BPIFA2: variants seen among roughly 807,000 people sequenced by gnomAD.
BPIFA2 encodes the protein BPI fold-containing family A member 2.
BPIFA2 carries 20 observed loss-of-function variants against 25.7 expected under a neutral mutation model. That is an observed-to-expected ratio of 0.78 (90% CI 0.55 to 1.13). The LOEUF (loss-of-function observed/expected upper bound fraction) is 1.13, where lower values mean the gene tolerates loss of function less well. BPIFA2 is among the 50% of genes most tolerant of loss of function. The pLI is 0.00. For synonymous variants in BPIFA2, 126 were observed against 124.3 expected (o/e 1.01, Z -0.09); for missense variants, 300 against 298.1 (o/e 1.01, Z -0.05).
At chr20:33,166,948 C>T (rs73904617), upstream of BPIFA2, among the ~76,000 whole-genome samples, 3 of 152,156 alleles carry the variant, frequency 2.0e-5, no homozygotes, top group African/African-American at 4.8e-5. Context: ...TTGGAGAACC[C>T]GGTGTCAGGC....
At chr20:33,167,913 C>T (rs902907191), upstream of BPIFA2, among the ~76,000 whole-genome samples, 5 of 152,250 alleles carry the variant, frequency 3.3e-5, no homozygotes, top group Non-Finnish European at 5.9e-5. Flanking sequence ...ACCACCCCCT[C>T]GGTAGCTGCA....
upstream of BPIFA2, among the ~76,000 whole-genome samples, chr20:33,166,917 G>A (rs1053480130): frequency 2.0e-5 from 3 of 152,252 alleles, no homozygotes; most frequent in African/African-American, 4.8e-5. Context: ...CACAACTGGG[G>A]GAAGAGCGGG....
upstream of BPIFA2, among the ~76,000 whole-genome samples, chr20:33,164,224 G>A (rs942876670): frequency 1.3e-5 from 2 of 152,232 alleles, no homozygotes; most frequent in Non-Finnish European, 1.5e-5. Context: ...TAAATGGACA[G>A]ATGACTAGAT....
intron 4 of BPIFA2, 148 bp downstream of exon 4, chr20:33,174,334 C>G: frequency 1.5e-6 from 1 of 676,670 alleles, no homozygotes; most frequent in South Asian, 1.8e-5. Flanking sequence ...CCTTCTGGGT[C>G]TAAGATCTTA....
upstream of BPIFA2, among the ~76,000 whole-genome samples, chr20:33,165,625 G>C (rs1428884676): frequency 1.3e-5 from 2 of 152,338 alleles, no homozygotes; most frequent in South Asian, 2.1e-4. Context: ...GGAGGTTAAG[G>C]CTGGGCCAGT....
chr20:33,166,694 A>G (rs1368883709), upstream of BPIFA2, among the ~76,000 whole-genome samples: 1 of 152,032 alleles, frequency 6.6e-6, no homozygotes, highest in Non-Finnish European at 1.5e-5. Flanking sequence ...AAAGCCCCTC[A>G]CCATCGTTTT....
chr20:33,164,041 G>T (rs1026084163), upstream of BPIFA2, among the ~76,000 whole-genome samples: 1 of 152,186 alleles, frequency 6.6e-6, no homozygotes, highest in African/African-American at 2.4e-5. Flanking sequence ...GACATGGGCC[G>T]ATCGAATCAG....
At chr20:33,167,555 G>A (rs1415281097), upstream of BPIFA2, among the ~76,000 whole-genome samples, 2 of 152,170 alleles carry the variant, frequency 1.3e-5, no homozygotes, top group African/African-American at 4.8e-5. Context: ...CTGCCTTACA[G>A]AGTTTTCATA....
chr20:33,162,243 A>T (rs749852564), intron 1 of BPIFA2, among the ~76,000 whole-genome samples: 8 of 152,148 alleles, frequency 5.3e-5, no homozygotes, highest in Non-Finnish European at 8.8e-5. Context: ...GGCCTCCCAA[A>T]GTGCTGGAAT....
chr20:33,176,341 T>C (rs1984074978), intron 5 of BPIFA2, among the ~76,000 whole-genome samples: 1 of 152,190 alleles, frequency 6.6e-6, no homozygotes, highest in African/African-American at 2.4e-5. Flanking sequence ...TGCTGGCCGA[T>C]GGCTGGGAGA....
upstream of BPIFA2, among the ~76,000 whole-genome samples, chr20:33,165,675 G>A (rs1983702229): frequency 6.6e-6 from 1 of 152,228 alleles, no homozygotes; most frequent in South Asian, 2.1e-4. Flanking sequence ...TAGCAGTCAC[G>A]CAGCAGGTAG....
chr20:33,180,339 A>C (rs747136), intron 7 of BPIFA2, among the ~76,000 whole-genome samples, 181 bp from the exon 8 acceptor site: 28,017 of 152,128 alleles, frequency 0.18, 6,719 homozygotes, highest in African/African-American at 0.56. Flanking sequence ...CCCTGTGGGG[A>C]AGGTACTGTC....
intron 4 of BPIFA2, among the ~76,000 whole-genome samples, 166 bp from the exon 5 acceptor site, chr20:33,175,241 T>C (rs911778062): frequency 3.3e-5 from 5 of 152,202 alleles, no homozygotes; most frequent in Non-Finnish European, 7.3e-5. Flanking sequence ...GCCCCTAATA[T>C]AAACATGTAA....
chr20:33,174,669 GAGAAA>G (rs1984013587), intron 4 of BPIFA2, among the ~76,000 whole-genome samples: 1 of 152,158 alleles, frequency 6.6e-6, no homozygotes, highest in Admixed American at 6.5e-5. Context: ...CCAGCAATTT[GAGAAA>G]CTGAGGTGGG....
chr20:33,171,601 A>G (rs1175535251), intron 2 of BPIFA2, among the ~76,000 whole-genome samples: 1 of 152,258 alleles, frequency 6.6e-6, no homozygotes, highest in Non-Finnish European at 1.5e-5. Flanking sequence ...ACTTCTCAAA[A>G]GAAGACATTT....
chr20:33,164,148 G>A (rs73904615), upstream of BPIFA2, among the ~76,000 whole-genome samples: 1,933 of 152,316 alleles, frequency 0.013, 45 homozygotes, highest in African/African-American at 0.043. Flanking sequence ...CCACTAAAGG[G>A]TTGTCAAAAG....
At position 33,180,564 on chromosome 20, in the gene BPIFA2, G is replaced by A. The variant is rs772570163; in HGVS notation, c.*4G>A. 2.5e-6 allele frequency: 4 copies of A among 1,611,760 alleles called. No individual in the cohort carries two copies. Among genetic ancestry groups the A allele is most frequent in the Non-Finnish European group, 3.4e-6 (4 of 1,177,852 alleles). On this transcript the variant is annotated 3_prime_UTR_variant, in exon 8 of 9. Coordinates refer to ENST00000354932, the MANE Select transcript of BPIFA2 (RefSeq NM_080574.4). ...CCAGCTGCAAACCCTCATCTGAAGA[G>A]GACGAATGAGGAGGACCACTGTGGT...
At chr20:33,172,077 T>C (rs546222842) in intron 2 of BPIFA2, among the ~76,000 whole-genome samples, 4 of 152,316 alleles carry the variant, frequency 2.6e-5, no homozygotes, top group African/African-American at 7.2e-5. Context: ...AATGAGATCA[T>C]GTCCTCTGCA....
chr20:33,180,476 C>T, intron 7 of BPIFA2, 44 bp from the exon 8 acceptor site: 1 of 1,587,500 alleles, frequency 6.3e-7, no homozygotes, highest in Non-Finnish European at 8.6e-7. Context: ...CTATTCAATT[C>T]CAGTGGCAGA....
Sources: allele counts gnomAD v4.1 joint callset (sites outside exome capture counted in the v4.1 genomes callset), GRCh38; gene constraint gnomAD v4.1.1; transcripts MANE v1.5; gene names NCBI Gene and HGNC (gene_info 2026-07-23, HGNC 2026-07-21).